Variants in STK10 observed in about 807,000 individuals in gnomAD.
STK10 encodes the protein serine/threonine-protein kinase 10.
Under a neutral mutation model 113.8 loss-of-function variants are expected in STK10, and 78 were observed. That is an observed-to-expected ratio of 0.69 (90% CI 0.57 to 0.83). The LOEUF is 0.83. Ranked by LOEUF, STK10 falls within the 40% of genes least tolerant of loss-of-function variation. STK10 has a pLI of 0.00. For missense variants in STK10, 1,109 were observed against 1,280.1 expected (o/e 0.87, Z 2.04); for synonymous variants, 465 against 494.7 (o/e 0.94, Z 0.80).
intron 10 of STK10, among the ~76,000 whole-genome samples, chr5:172,084,393 TCTGTCTCAAAATAATAATAATAATA>T (rs1388211709): frequency 1.4e-5 from 2 of 145,738 alleles, no homozygotes; most frequent in Non-Finnish European, 3.0e-5. Context: ...AGGGCAAAAT[TCTGTCTCAAAATAATAATAATAATA>T]ATAATAATAA....
intron 1 of STK10, among the ~76,000 whole-genome samples, chr5:172,182,371 TTTTTG>T (rs1183656441): frequency 2.0e-5 from 3 of 151,650 alleles, no homozygotes; most frequent in African/African-American, 4.8e-5. Flanking sequence ...AATTTTCTAT[TTTTTG>T]TTTTGTTTTG....
At chr5:172,045,206 C>A (rs1767471302) in intron 18 of STK10, among the ~76,000 whole-genome samples, 184 bp from the exon 19 acceptor site, 1 of 152,132 alleles carries the variant, frequency 6.6e-6, no homozygotes, top group African/African-American at 2.4e-5. Context: ...GTAAGTACCA[C>A]CTCCTGCCAC....
At chr5:172,051,417 G>A (rs1767625268) in intron 18 of STK10, among the ~76,000 whole-genome samples, 1 of 151,660 alleles carries the variant, frequency 6.6e-6, no homozygotes, top group Non-Finnish European at 1.5e-5. Context: ...TTGAGGTCAG[G>A]AGTTCAAGAC....
At chr5:172,174,730 A>C (rs1770723615) in intron 1 of STK10, among the ~76,000 whole-genome samples, 1 of 152,078 alleles carries the variant, frequency 6.6e-6, no homozygotes, top group African/African-American at 2.4e-5. Flanking sequence ...AGACCCGGAG[A>C]ATGAGGAGGA....
chr5:172,160,633 T>G (rs1770451839), intron 1 of STK10, among the ~76,000 whole-genome samples: 1 of 152,160 alleles, frequency 6.6e-6, no homozygotes, highest in Non-Finnish European at 1.5e-5. Context: ...TTGATCACGC[T>G]CCACCCTTGC....
intron 12 of STK10, among the ~76,000 whole-genome samples, chr5:172,078,946 TCC>T (rs975328302): frequency 9.8e-5 from 13 of 132,398 alleles, no homozygotes; most frequent in African/African-American, 4.2e-4. Flanking sequence ...CTCTTATAAG[TCC>T]ACACACACAC....
chr5:172,058,029 C>T (rs539368344), intron 14 of STK10, among the ~76,000 whole-genome samples: 2 of 152,248 alleles, frequency 1.3e-5, no homozygotes, highest in African/African-American at 4.8e-5. Flanking sequence ...CCCAGGCATG[C>T]GTTATGAAGA....
intron 12 of STK10, among the ~76,000 whole-genome samples, chr5:172,065,524 C>G (rs1198923104): frequency 6.6e-6 from 1 of 152,088 alleles, no homozygotes; most frequent in East Asian, 1.9e-4. Context: ...CGCGCCTGGC[C>G]GAGAATGCAT....
rs1434894761 is a variant in STK10, at chr5:172,090,217, C to T, written c.1685+15G>A. The T allele has an allele frequency of 2.4e-5, 38 of 1,613,386 alleles. No individual in the cohort carries two copies. Among genetic ancestry groups the T allele is most frequent in the Non-Finnish European group, 2.7e-5 (32 of 1,179,750 alleles). ...CCACCCTGTTACCACCATTGGTGGC[C>T]CTTCCCAGGCTTGCCTGAGAAATCT... On this transcript the variant is annotated intron_variant, in intron 10 of 18. Coordinates refer to ENST00000176763, the MANE Select transcript of STK10 (RefSeq NM_005990.4).
chr5:172,053,460 A>G (rs1031084847), intron 17 of STK10, among the ~76,000 whole-genome samples: 4 of 152,210 alleles, frequency 2.6e-5, no homozygotes, highest in African/African-American at 9.6e-5. Flanking sequence ...GCCCGAGCTA[A>G]GATACTCTGT....
intron 18 of STK10, among the ~76,000 whole-genome samples, chr5:172,049,688 G>A (rs1767585064): frequency 6.6e-6 from 1 of 152,218 alleles, no homozygotes; most frequent in South Asian, 2.1e-4. Context: ...TGATATTGGT[G>A]CTAATGGTAC....
intron 1 of STK10, among the ~76,000 whole-genome samples, chr5:172,178,871 G>A (rs891708407): frequency 1.3e-5 from 2 of 152,200 alleles, no homozygotes; most frequent in Non-Finnish European, 2.9e-5. Context: ...ATGTGGCAAC[G>A]TCTGGGGACA....
At chr5:172,089,992 G>A (rs1200771512) in intron 10 of STK10, among the ~76,000 whole-genome samples, 1 of 152,092 alleles carries the variant, frequency 6.6e-6, no homozygotes. Flanking sequence ...TAGATGAATA[G>A]GTAGATAGGT....
At chr5:172,061,351 C>T (rs571590987) in intron 13 of STK10, 83 bp from the exon 14 acceptor site, 17 of 1,483,562 alleles carry the variant, frequency 1.1e-5, no homozygotes, top group South Asian at 5.5e-5. Context: ...GAGAAAAGCC[C>T]GCGTGATCAG....
rs1165341622 is a variant in STK10, at chr5:172,178,047, C to T, written c.156+9840G>A. 4.6e-5 allele frequency among the ~76,000 whole-genome samples: 7 copies of T among 152,158 alleles called. No individual in the cohort carries two copies. The East Asian group carries it at 5.8e-4, about 13-fold the overall frequency. On this transcript the variant is annotated intron_variant, in intron 1 of 18. Coordinates refer to ENST00000176763, the MANE Select transcript of STK10 (RefSeq NM_005990.4). ...TTCACCATGTTGGCCAGGCTGGTCTCGAACTCCTGACCTCAGGTGATCCAC... is the reference window on the plus strand; with the variant it reads ...TTCACCATGTTGGCCAGGCTGGTCTTGAACTCCTGACCTCAGGTGATCCAC...
chr5:172,178,977 A>G (rs1163145762), intron 1 of STK10, among the ~76,000 whole-genome samples: 2 of 152,208 alleles, frequency 1.3e-5, no homozygotes, highest in African/African-American at 2.4e-5. Context: ...TAACAGCTCC[A>G]TAACAAAGAA....
At chr5:172,162,989 T>G (rs149092578) in intron 1 of STK10, among the ~76,000 whole-genome samples, 2 of 152,164 alleles carry the variant, frequency 1.3e-5, no homozygotes, top group Admixed American at 6.5e-5. Context: ...TCAGATTCCA[T>G]GGAGACCAGA....
chr5:172,177,684 A>G (rs1770782136), intron 1 of STK10, among the ~76,000 whole-genome samples: 1 of 152,274 alleles, frequency 6.6e-6, no homozygotes, highest in Non-Finnish European at 1.5e-5. Context: ...AGTGATAAAT[A>G]TACCATTAAA....
intron 7 of STK10, chr5:172,105,424 T>G: frequency 1.8e-6 from 1 of 567,180 alleles, no homozygotes; most frequent in East Asian, 2.9e-5. Flanking sequence ...GCCACCTGTA[T>G]CCCCACTGGA....
Sources: allele counts gnomAD v4.1 joint callset (sites outside exome capture counted in the v4.1 genomes callset), GRCh38; gene constraint gnomAD v4.1.1; transcripts MANE v1.5; gene names NCBI Gene and HGNC (gene_info 2026-07-23, HGNC 2026-07-21).